The following ZBTB20 variants were observed in gnomAD, a reference collection of about 807,000 sequenced individuals.
The protein encoded by ZBTB20 is zinc finger and BTB domain containing 20.
Under a neutral mutation model 56.9 loss-of-function variants are expected in ZBTB20, and 9 were observed. The ratio of observed to expected loss-of-function variants is 0.16; its 90% CI spans 0.10 to 0.28. ZBTB20 has a LOEUF of 0.28. Ranked by LOEUF, ZBTB20 falls within the 10% of genes least tolerant of loss-of-function variation. The pLI, the probability that ZBTB20 is intolerant of heterozygous loss-of-function variation, is 1.00. For synonymous variants in ZBTB20, 417 were observed against 420.7 expected, an observed-to-expected ratio of 0.99 and a Z score of 0.11; for missense variants, 655 against 1,003.0, an observed-to-expected ratio of 0.65 and a Z score of 4.69.
Position 114,408,550 on chromosome 3 carries a change from C to G in ZBTB20, c.-254-19445G>C, listed in dbSNP as rs932231785. On this transcript the variant is annotated intron_variant, in intron 7 of 11. Coordinates refer to ENST00000675478, the MANE Select transcript of ZBTB20 (RefSeq NM_001348800.3). ...ATTTTTTTTTTTGTATTGGAACAATCGAAAGATTCAATGTTTTTAAATTCC... is the reference window on the plus strand; with the variant it reads ...ATTTTTTTTTTTGTATTGGAACAATGGAAAGATTCAATGTTTTTAAATTCC... 1.3e-4 allele frequency among the ~76,000 whole-genome samples: 19 copies of G among 151,792 alleles called. No individual in the cohort carries two copies. In the East Asian group the frequency reaches 1.6e-3, roughly 12 times the overall value.
intron 2 of ZBTB20, among the ~76,000 whole-genome samples, chr3:115,010,259 C>T (rs2079644573): frequency 1.3e-5 from 2 of 151,942 alleles, no homozygotes; most frequent in African/African-American, 4.8e-5. Flanking sequence ...TGTAGAATCT[C>T]AGGCATTGAG....
intron 4 of ZBTB20, among the ~76,000 whole-genome samples, chr3:114,813,224 T>C (rs929539517): frequency 2.0e-5 from 3 of 152,236 alleles, no homozygotes; most frequent in Non-Finnish European, 4.4e-5. Flanking sequence ...CTTATAAGGT[T>C]ATCAATAGGG....
intron 2 of ZBTB20, among the ~76,000 whole-genome samples, chr3:114,988,701 G>A (rs1219198288): frequency 6.6e-6 from 1 of 152,096 alleles, no homozygotes; most frequent in Non-Finnish European, 1.5e-5. Context: ...GGTTGAACTA[G>A]TTTACAGTCC....
rs186733001 is a variant in ZBTB20 at position 114,536,194 on chromosome 3, G to C, written c.-294-35803C>G. On this transcript the variant is annotated intron_variant, in intron 6 of 11. Coordinates refer to ENST00000675478, the MANE Select transcript of ZBTB20 (RefSeq NM_001348800.3). Reference sequence around the variant, plus strand: ...AATAAAGGGTATTCAAATAGGAAGAGAGGAAGTCAAATTGTCTGTTTGCAG... The same window carrying C: ...AATAAAGGGTATTCAAATAGGAAGACAGGAAGTCAAATTGTCTGTTTGCAG... Among the ~76,000 whole-genome samples the C allele has an allele frequency of 1.5e-3, 222 of 152,306 alleles. 5 individuals are homozygous for C. The highest frequency in any genetic ancestry group is 0.012 in the Admixed American group (183 of 15,290).
chr3:114,956,673 C>A (rs2077258344), intron 3 of ZBTB20, among the ~76,000 whole-genome samples: 2 of 152,144 alleles, frequency 1.3e-5, no homozygotes, highest in African/African-American at 2.4e-5. Context: ...TCCTGAGGAT[C>A]CAAGAATCTT....
intron 4 of ZBTB20, among the ~76,000 whole-genome samples, chr3:114,818,824 T>G (rs962636044): frequency 3.9e-5 from 6 of 151,968 alleles, no homozygotes; most frequent in Admixed American, 6.6e-5. Context: ...TTGGAAATTA[T>G]AGTCAATGAA....
At chr3:114,924,183 T>C (rs1370238206) in intron 3 of ZBTB20, among the ~76,000 whole-genome samples, 2 of 152,132 alleles carry the variant, frequency 1.3e-5, no homozygotes, top group Non-Finnish European at 2.9e-5. Context: ...AATTATATGA[T>C]CCAGCAAGCC....
At chr3:114,502,927 T>C (rs2044175136) in intron 6 of ZBTB20, 1 of 152,184 alleles carries the variant, frequency 6.6e-6, no homozygotes, top group Admixed American at 6.6e-5. Context: ...TGATCATTTT[T>C]CTGTTGCATG....
At chr3:114,765,138 T>C (rs2068699819) in intron 5 of ZBTB20, among the ~76,000 whole-genome samples, 1 of 152,174 alleles carries the variant, frequency 6.6e-6, no homozygotes, top group African/African-American at 2.4e-5. Flanking sequence ...TGCAAACATC[T>C]CTATTATTGA....
chr3:114,524,880 A>G (rs1355135293), intron 6 of ZBTB20, among the ~76,000 whole-genome samples: 1 of 152,066 alleles, frequency 6.6e-6, no homozygotes, highest in East Asian at 1.9e-4. Flanking sequence ...ACACCCGGCT[A>G]ATTTTTGTAT....
intron 5 of ZBTB20, among the ~76,000 whole-genome samples, chr3:114,735,417 T>C (rs2066074521): frequency 6.6e-6 from 1 of 152,132 alleles, no homozygotes; most frequent in South Asian, 2.1e-4. Flanking sequence ...TTTATCAACT[T>C]GCTGGCTTAG....
At position 115,078,621 on chromosome 3, in the gene ZBTB20, A is replaced by G. The variant is rs920207952; in HGVS notation, c.-702-7207T>C. On this transcript the variant is annotated intron_variant, in intron 1 of 11. Coordinates refer to ENST00000675478, the MANE Select transcript of ZBTB20 (RefSeq NM_001348800.3). ...TGTGTGTGTGTGTGTGTGTATATAT[A>G]TATATATATATATATATATGAAGAG... 2.5e-3 allele frequency among the ~76,000 whole-genome samples: 365 copies of G among 147,642 alleles called. 1 individual carries two copies. The highest frequency in any genetic ancestry group is 8.2e-3 in the African/African-American group (325 of 39,874).
At chr3:114,676,451 T>C (rs939098204) in intron 6 of ZBTB20, among the ~76,000 whole-genome samples, 2 of 152,186 alleles carry the variant, frequency 1.3e-5, no homozygotes, top group Non-Finnish European at 2.9e-5. Flanking sequence ...TTAAGTTCAT[T>C]ATTATTGATT....
At chr3:114,702,037 A>T (rs1003756503) in intron 5 of ZBTB20, among the ~76,000 whole-genome samples, 1 of 151,640 alleles carries the variant, frequency 6.6e-6, no homozygotes, top group Admixed American at 6.6e-5. Context: ...CATAATGCAT[A>T]AAAAAAAATC....
At chr3:114,999,518 C>G (rs899688240) in intron 2 of ZBTB20, among the ~76,000 whole-genome samples, 2 of 151,316 alleles carry the variant, frequency 1.3e-5, no homozygotes, top group African/African-American at 4.9e-5. Flanking sequence ...CTGTTTTTCC[C>G]TCGAAAAGTT....
chr3:114,487,515 GA>G lies in ZBTB20; in HGVS notation c.-255+12836del, dbSNP rs201751300. ...TCCACAATTTTCTGCCAAAGAGGGG[GA>G]AAAATGCCCCAGAGCATGTCATCCC... On this transcript the variant is annotated intron_variant, in intron 7 of 11. Transcript: ENST00000675478. Among the ~76,000 whole-genome samples the G allele has an allele frequency of 3.4e-3, 519 of 152,298 alleles. 15 individuals are homozygous for G. Among genetic ancestry groups the G allele is most frequent in the Admixed American group, 0.029 (449 of 15,302 alleles).
At chr3:115,038,039 A>T (rs2080999417) in intron 2 of ZBTB20, among the ~76,000 whole-genome samples, 1 of 152,254 alleles carries the variant, frequency 6.6e-6, no homozygotes, top group Non-Finnish European at 1.5e-5. Flanking sequence ...GAAGTTTCAC[A>T]TGGGTGATGC....
chr3:114,512,673 CT>C (rs1279105589), intron 6 of ZBTB20, among the ~76,000 whole-genome samples: 3 of 152,124 alleles, frequency 2.0e-5, no homozygotes, highest in African/African-American at 7.2e-5. Flanking sequence ...ACTAACTTTT[CT>C]TTCTCAAACA....
chr3:114,360,186 G>A (rs1011547183), intron 10 of ZBTB20, among the ~76,000 whole-genome samples: 1 of 151,140 alleles, frequency 6.6e-6, no homozygotes, highest in African/African-American at 2.4e-5. Flanking sequence ...CTGTTGCTGT[G>A]CTGTTCTGAA....
Sources: allele counts gnomAD v4.1 joint callset (sites outside exome capture counted in the v4.1 genomes callset), GRCh38; gene constraint gnomAD v4.1.1; transcripts MANE v1.5; gene names NCBI Gene and HGNC (gene_info 2026-07-23, HGNC 2026-07-21).